PLXNC1: variants seen among roughly 807,000 people sequenced by gnomAD.
PLXNC1 encodes the protein plexin-C1.
Under a neutral mutation model 178.2 loss-of-function variants are expected in PLXNC1, and 75 were observed. That is an observed-to-expected ratio of 0.42 (90% CI 0.35 to 0.51). The LOEUF (loss-of-function observed/expected upper bound fraction) is 0.51, where lower values mean the gene tolerates loss of function less well. Among genes scored for constraint, PLXNC1 ranks in the 20% least tolerant of loss-of-function variants. PLXNC1 has a pLI of 0.02. For missense variants in PLXNC1, 1,503 were observed against 1,984.4 expected, an observed-to-expected ratio of 0.76 and a Z score of 4.61; for synonymous variants, 790 against 779.9, an observed-to-expected ratio of 1.01 and a Z score of -0.22.
chr12:94,166,047 G>A (rs1301601309), intron 1 of PLXNC1, among the ~76,000 whole-genome samples: 1 of 152,112 alleles, frequency 6.6e-6, no homozygotes, highest in African/African-American at 2.4e-5. Context: ...CCAGTGTCTG[G>A]CAATAGGGAA....
intron 4 of PLXNC1, among the ~76,000 whole-genome samples, chr12:94,203,309 T>C (rs1305656468): frequency 6.6e-6 from 1 of 152,334 alleles, no homozygotes; most frequent in Non-Finnish European, 1.5e-5. Context: ...TTCATTCTTG[T>C]CTCAGAAAGT....
At chr12:94,164,718 AAC>A (rs1472374375) in intron 1 of PLXNC1, among the ~76,000 whole-genome samples, 1 of 142,974 alleles carries the variant, frequency 7.0e-6, no homozygotes. Context: ...TACACACACA[AAC>A]ACACACACAC....
At chr12:94,189,161 A>G (rs1962629654) in intron 4 of PLXNC1, among the ~76,000 whole-genome samples, 1 of 152,248 alleles carries the variant, frequency 6.6e-6, no homozygotes, top group South Asian at 2.1e-4. Context: ...AGACTCAGAA[A>G]AAGTTAGCTT....
At chr12:94,219,472 G>C (rs1333103821) in intron 5 of PLXNC1, among the ~76,000 whole-genome samples, 1 of 152,132 alleles carries the variant, frequency 6.6e-6, no homozygotes, top group African/African-American at 2.4e-5. Context: ...AAGCAATAAA[G>C]ATGTTGGAAC....
At chr12:94,184,449 G>C (rs1222484442) in intron 3 of PLXNC1, among the ~76,000 whole-genome samples, 1 of 149,482 alleles carries the variant, frequency 6.7e-6, no homozygotes, top group Non-Finnish European at 1.5e-5. Flanking sequence ...TTTTGAAACA[G>C]AGTCTCACTG....
intron 1 of PLXNC1, among the ~76,000 whole-genome samples, chr12:94,157,281 A>G (rs1373458092): frequency 6.6e-6 from 1 of 152,156 alleles, no homozygotes; most frequent in Non-Finnish European, 1.5e-5. Flanking sequence ...CCACACCAAG[A>G]CCAACATCTT....
chr12:94,301,088 C>T (rs1404773825), intron 28 of PLXNC1, 31 bp downstream of exon 28: 1 of 1,603,806 alleles, frequency 6.2e-7, no homozygotes, highest in South Asian at 1.1e-5. Flanking sequence ...TTCTTGTATG[C>T]AGTCTTATGA....
rs1275153247 is a variant in PLXNC1 at position 94,255,276 on chromosome 12, C to G, written c.3067C>G (p.Leu1023Val). ...CTTCCTTGACTACAAACATTTTGCT[C>G]TGAGAACTTTCTTCCCTGAGGTAAA... ...VPFLDYKHFALRTFFPESGGF... is the reference protein window; with the variant it reads ...VPFLDYKHFAVRTFFPESGGF... Residue 1023 changes from leucine (L) to valine (V), a missense_variant, in exon 17 of 31, where the codon CTG becomes GTG. Transcript: ENST00000258526. 1 of 1,610,924 alleles carries G rather than the reference C, an allele frequency of 6.2e-7. No individual in the cohort carries two copies. Among genetic ancestry groups the G allele is most frequent in the Non-Finnish European group, 8.5e-7 (1 of 1,177,206 alleles).
chr12:94,272,507 A>G (rs1965634155), intron 21 of PLXNC1: 1 of 152,268 alleles, frequency 6.6e-6, no homozygotes, highest in South Asian at 2.1e-4. Flanking sequence ...CTGCGAAGCC[A>G]AGAGGCCAGC....
At chr12:94,284,087 GAA>G (rs796439911) in intron 23 of PLXNC1, among the ~76,000 whole-genome samples, 20 of 82,686 alleles carry the variant, frequency 2.4e-4, no homozygotes, top group African/African-American at 3.8e-4. Context: ...CATGTCAGGG[GAA>G]AAAAAAAAAA....
intron 4 of PLXNC1, among the ~76,000 whole-genome samples, chr12:94,206,933 T>C (rs1471672521): frequency 6.6e-6 from 1 of 152,232 alleles, no homozygotes; most frequent in Non-Finnish European, 1.5e-5. Flanking sequence ...ACCGTTGCTC[T>C]TGTTGATACG....
chr12:94,202,507 G>A (rs1284609868), intron 4 of PLXNC1, among the ~76,000 whole-genome samples: 1 of 152,214 alleles, frequency 6.6e-6, no homozygotes, highest in Non-Finnish European at 1.5e-5. Flanking sequence ...AGGAGCATGT[G>A]TAAATGTCAT....
intron 21 of PLXNC1, chr12:94,277,715 C>T (rs1045408285): frequency 8.7e-6 from 3 of 344,216 alleles, no homozygotes; most frequent in African/African-American, 6.5e-5. Flanking sequence ...CCAATGTGGG[C>T]TGAATCTGTT....
intron 4 of PLXNC1, among the ~76,000 whole-genome samples, chr12:94,199,276 T>C (rs1963035828): frequency 1.3e-5 from 2 of 152,182 alleles, no homozygotes; most frequent in African/African-American, 4.8e-5. Context: ...GATGTGTCCT[T>C]GTGCAGATCT....
At chr12:94,266,773 GAGTC>G (rs1965266739) in intron 21 of PLXNC1, among the ~76,000 whole-genome samples, 1 of 152,250 alleles carries the variant, frequency 6.6e-6, no homozygotes, top group Non-Finnish European at 1.5e-5. Context: ...TGAGGATTAA[GAGTC>G]AGTATTATAA....
At chr12:94,304,886 G>C (rs967859423) in intron 30 of PLXNC1, among the ~76,000 whole-genome samples, 4 of 152,210 alleles carry the variant, frequency 2.6e-5, no homozygotes, top group Non-Finnish European at 5.9e-5. Context: ...AGGAATGCTT[G>C]CTGTGCTTGG....
At chr12:94,235,622 A>G (rs1964218090) in intron 9 of PLXNC1, among the ~76,000 whole-genome samples, 1 of 152,344 alleles carries the variant, frequency 6.6e-6, no homozygotes, top group East Asian at 1.9e-4. Context: ...TGTTTTCTAC[A>G]AAGAGCCAAG....
At position 94,188,323 on chromosome 12, in the gene PLXNC1, C is replaced by CTTT. The variant is rs141025919; in HGVS notation, c.1439+1865_1439+1867dup. On this transcript the variant is annotated intron_variant, in intron 4 of 30. Transcript: ENST00000258526. ...GTCCAAAGAATTTTGTCTTTTTGTC[C>CTTT]TTTTTTTTTTTTTTTTTGAGATGGA... Among the ~76,000 whole-genome samples, 348 of 127,760 alleles carry CTTT rather than the reference C, an allele frequency of 2.7e-3. 8 individuals are homozygous for CTTT. The highest frequency in any genetic ancestry group is 3.3e-3 in the Non-Finnish European group (206 of 62,252). The allele number at this position is 127,760 out of a possible 152,430, so 83.8% of individuals were successfully genotyped here. A position where few individuals can be genotyped will look rare whatever the true frequency, so the allele number is the denominator to read the frequency against.
At chr12:94,298,882 T>C (rs1968192344) in intron 27 of PLXNC1, 87 bp downstream of exon 27, 1 of 1,249,902 alleles carries the variant, frequency 8.0e-7, no homozygotes, top group Non-Finnish European at 1.1e-6. Context: ...TATAGAAGGA[T>C]TCATTTATCT....
Sources: gnomAD v4.1 joint callset for allele counts (sites outside exome capture counted in the v4.1 genomes callset) on GRCh38, gnomAD v4.1.1 for gene constraint, MANE v1.5 for transcripts, NCBI Gene and HGNC (gene_info 2026-07-23, HGNC 2026-07-21) for gene names.